The following FRAS1 variants were observed in gnomAD, a reference collection of about 807,000 sequenced individuals.
FRAS1 encodes extracellular matrix organizing protein FRAS1.
In FRAS1, 290 loss-of-function variants were observed where a neutral mutation model predicts 435.2. The ratio of observed to expected loss-of-function variants is 0.67; its 90% CI spans 0.61 to 0.73. FRAS1 has a LOEUF of 0.73. Among genes scored for constraint, FRAS1 ranks in the 30% least tolerant of loss-of-function variants. The pLI is 0.00. For missense variants in FRAS1, 4,860 were observed against 5,001.5 expected (o/e 0.97, Z 0.85); for synonymous variants, 1,800 against 1,851.0 (o/e 0.97, Z 0.71).
Position 78,343,500 on chromosome 4 carries a change from G to T in FRAS1, c.2422+5683G>T, listed in dbSNP as rs186801295. ...CTCTGTGGGCAGGCAGAGAGGTCAC[G>T]CAAGGAGGTGCGGGTTTGCCACCCT... On this transcript the variant is annotated intron_variant, in intron 20 of 73. Transcript: ENST00000512123. Among the ~76,000 whole-genome samples the T allele has an allele frequency of 1.9e-3, 271 of 144,996 alleles. 2 individuals carry two copies. Among genetic ancestry groups the T allele is most frequent in the Non-Finnish European group, 3.3e-3 (216 of 66,410 alleles).
rs1445564170 is a variant in FRAS1 at position 78,448,140 on chromosome 4, T to C, written c.6098T>C (p.Ile2033Thr). 1.2e-6 allele frequency: 2 copies of C among 1,613,642 alleles called. No homozygotes were observed. Among genetic ancestry groups the C allele is most frequent in the Non-Finnish European group, 1.7e-6 (2 of 1,179,824 alleles). Residue 2033 changes from isoleucine to threonine, a missense_variant, in exon 44 of 74, where the codon ATC (isoleucine) becomes ACC (threonine). Transcript: ENST00000512123. Reference protein sequence around the residue: ...VQGSTFTYQDILAGLVGYVPS... With the variant: ...VQGSTFTYQDTLAGLVGYVPS... ...GGCTCAACCTTCACCTACCAGGATA[T>C]CCTAGCTGGGCTGGTTGGGTATGTG...
chr4:78,389,992 C>T (rs1203659024), intron 29 of FRAS1, among the ~76,000 whole-genome samples: 1 of 152,170 alleles, frequency 6.6e-6, no homozygotes, highest in African/African-American at 2.4e-5. Flanking sequence ...TTTCATCCCT[C>T]TCTCCTGTAT....
chr4:78,467,703 G>T (rs1405658601), intron 50 of FRAS1, among the ~76,000 whole-genome samples: 1 of 152,124 alleles, frequency 6.6e-6, no homozygotes, highest in Admixed American at 6.5e-5. Context: ...GTGTATGAGG[G>T]TTCCCTTTTC....
chr4:78,125,731 G>A (rs2109972416), intron 2 of FRAS1, among the ~76,000 whole-genome samples: 1 of 152,264 alleles, frequency 6.6e-6, no homozygotes, highest in Non-Finnish European at 1.5e-5. Flanking sequence ...AAATATTTCT[G>A]CCTGATCGTT....
At chr4:78,449,506 A>G (rs1718952809) in intron 44 of FRAS1, among the ~76,000 whole-genome samples, 1 of 152,094 alleles carries the variant, frequency 6.6e-6, no homozygotes, top group South Asian at 2.1e-4. Flanking sequence ...GCTCTACTTT[A>G]CCGGGATTTA....
At chr4:78,289,371 G>A (rs1018238877) in intron 14 of FRAS1, among the ~76,000 whole-genome samples, 7 of 152,066 alleles carry the variant, frequency 4.6e-5, no homozygotes, top group African/African-American at 1.4e-4. Context: ...GTAATTATAG[G>A]CCACATGATG....
intron 2 of FRAS1, among the ~76,000 whole-genome samples, chr4:78,201,139 C>T (rs1723035636): frequency 6.6e-6 from 1 of 151,986 alleles, no homozygotes; most frequent in Non-Finnish European, 1.5e-5. Context: ...GCCTTTGTGT[C>T]TGCCTCTCCT....
rs572536723 is a variant in FRAS1, at chr4:78,418,776, G to GA, written c.4426-168dup. On this transcript the variant is annotated intron_variant, in intron 32 of 73. Transcript: ENST00000512123. The stretch of plus-strand genomic sequence containing the variant: ...TCTAAACCTAGGAGGGGAGGCTTAG[G>GA]AAAAATCTGCAATGCAAGAGACCAG... 4.1e-3 allele frequency among the ~76,000 whole-genome samples: 630 copies of GA among 152,234 alleles called. 2 individuals are homozygous for GA. Among genetic ancestry groups the GA allele is most frequent in the African/African-American group, 0.015 (620 of 41,526 alleles).
rs1215940204 is a variant in FRAS1, at chr4:78,302,690, T to G, written c.1535-5376T>G. On this transcript the variant is annotated intron_variant, in intron 14 of 73. Coordinates refer to ENST00000512123, the MANE Select transcript of FRAS1 (RefSeq NM_025074.7). ...GTCTGTTCATGTCCTTCACCCACTT[T>G]TTGATGGGGTTGTTTGTTTTTTTTT... Among the ~76,000 whole-genome samples the G allele has an allele frequency of 3.3e-5, 5 of 151,348 alleles. No homozygotes were observed. In the East Asian group the frequency reaches 1.0e-3, roughly 31 times the overall value.
chr4:78,451,655 C>T (rs763360571), intron 45 of FRAS1, 117 bp from the exon 46 acceptor site: 11 of 704,430 alleles, frequency 1.6e-5, no homozygotes, highest in South Asian at 5.8e-5. Context: ...AGTGTCAAAG[C>T]GAGGAAGGTG....
intron 50 of FRAS1, among the ~76,000 whole-genome samples, chr4:78,468,875 C>T (rs1298839313): frequency 1.3e-5 from 2 of 152,132 alleles, no homozygotes; most frequent in Admixed American, 6.5e-5. Context: ...CTGCACAGCT[C>T]CTTTTCTACT....
chr4:78,374,398 A>G, intron 25 of FRAS1, 147 bp downstream of exon 25: 1 of 689,948 alleles, frequency 1.4e-6, no homozygotes, highest in Non-Finnish European at 2.3e-6. Context: ...ATGGCTTCCC[A>G]TGCATATCTG....
intron 20 of FRAS1, among the ~76,000 whole-genome samples, chr4:78,358,289 A>G (rs1023362994): frequency 2.0e-5 from 3 of 152,206 alleles, no homozygotes; most frequent in African/African-American, 7.2e-5. Flanking sequence ...CACCAACCAA[A>G]TTAGCCAAGG....
chr4:78,115,764 T>G (rs1056744026), intron 2 of FRAS1, among the ~76,000 whole-genome samples: 18 of 152,286 alleles, frequency 1.2e-4, no homozygotes, highest in African/African-American at 4.3e-4. Context: ...ATTTTGTTGA[T>G]CTTTTCAAAA....
intron 40 of FRAS1, among the ~76,000 whole-genome samples, chr4:78,440,222 C>T (rs1195980539): frequency 1.3e-5 from 2 of 151,390 alleles, no homozygotes; most frequent in African/African-American, 4.9e-5. Flanking sequence ...TTAGTAGAGA[C>T]GGGGTTTCAC....
At chr4:78,464,206 T>C (rs1314289708) in intron 48 of FRAS1, 61 bp downstream of exon 48, 2 of 1,554,694 alleles carry the variant, frequency 1.3e-6, no homozygotes, top group Non-Finnish European at 1.7e-6. Flanking sequence ...CTTCTTTGAG[T>C]GGAGTAGGCA....
chr4:78,188,159 A>G (rs1055493374), intron 2 of FRAS1, among the ~76,000 whole-genome samples: 5 of 152,082 alleles, frequency 3.3e-5, no homozygotes, highest in African/African-American at 1.2e-4. Context: ...CAAATACTCT[A>G]TAGCTGTAGT....
rs546450659 is a variant in FRAS1 at position 78,205,463 on chromosome 4, G to T, written c.109-32047G>T. ...CCTGCCTTGACCTCCCAAAGTGCTG[G>T]GATTACAGGCATGAGCAACTGCGTC... On this transcript the variant is annotated intron_variant, in intron 2 of 73. Transcript: ENST00000512123. Among the ~76,000 whole-genome samples, 12 of 152,156 alleles carry T rather than the reference G, an allele frequency of 7.9e-5. No individual in the cohort carries two copies. In the South Asian group the frequency reaches 2.1e-3, roughly 26 times the overall value.
chr4:78,126,620 T>G (rs980462247), intron 2 of FRAS1, among the ~76,000 whole-genome samples: 6 of 152,230 alleles, frequency 3.9e-5, no homozygotes, highest in African/African-American at 1.4e-4. Context: ...AAATTCTTGG[T>G]TTTGTCTATG....
Sources: gnomAD v4.1 joint callset for allele counts (sites outside exome capture counted in the v4.1 genomes callset) on GRCh38, gnomAD v4.1.1 for gene constraint, MANE v1.5 for transcripts, NCBI Gene and HGNC (gene_info 2026-07-23, HGNC 2026-07-21) for gene names.